Variants in PKNOX2 observed in about 807,000 individuals in gnomAD.
The protein encoded by PKNOX2 is PBX/knotted 1 homeobox 2.
A neutral mutation model predicts 53.1 loss-of-function variants in PKNOX2; 14 were observed. That is an observed-to-expected ratio of 0.26 (90% CI 0.17 to 0.41). The LOEUF (loss-of-function observed/expected upper bound fraction) is 0.41, where lower values mean the gene tolerates loss of function less well. Ranked by LOEUF, PKNOX2 falls within the 10% of genes least tolerant of loss-of-function variation. The pLI, the probability that PKNOX2 is intolerant of heterozygous loss-of-function variation, is 1.00. For synonymous variants in PKNOX2, 257 were observed against 242.8 expected (o/e 1.06, Z -0.54); for missense variants, 496 against 602.8 (o/e 0.82, Z 1.85).
At chr11:125,311,575 A>G (rs1332756382) in intron 2 of PKNOX2, among the ~76,000 whole-genome samples, 1 of 152,162 alleles carries the variant, frequency 6.6e-6, no homozygotes, top group Non-Finnish European at 1.5e-5. Flanking sequence ...GTGACATTTT[A>G]AGCAGTTGTG....
At chr11:125,266,648 TC>T (rs1203218431) in intron 2 of PKNOX2, 2 of 152,234 alleles carry the variant, frequency 1.3e-5, no homozygotes, top group African/African-American at 4.8e-5. Flanking sequence ...ACCTCCTCGT[TC>T]CTGGCCACGC....
intron 5 of PKNOX2, 48 bp downstream of exon 5, chr11:125,368,033 C>G (rs770051970): frequency 3.2e-5 from 50 of 1,583,496 alleles, no homozygotes; most frequent in Non-Finnish European, 5.1e-6. Context: ...AGCTTCAGGC[C>G]CAGCTCAGCT....
rs1463088741 is a variant in PKNOX2, at chr11:125,189,396, T to C, written c.-201+24620T>C. Among the ~76,000 whole-genome samples the C allele has an allele frequency of 2.5e-5, 3 of 122,446 alleles. No individual in the cohort carries two copies. The South Asian group carries it at 9.1e-4, about 37-fold the overall frequency. 80.3% of individuals were successfully genotyped at this position (122,446 alleles called of 152,430 possible). On this transcript the variant is annotated intron_variant, in intron 1 of 12. Transcript: ENST00000298282. ...ATATATATATATGTGTGTATATATA[T>C]ATGTGTGTATATATATATGTGTGTG...
chr11:125,227,474 T>G (rs1941806393), intron 1 of PKNOX2, among the ~76,000 whole-genome samples: 1 of 152,214 alleles, frequency 6.6e-6, no homozygotes, highest in South Asian at 2.1e-4. Flanking sequence ...AACCATACAG[T>G]ATTTGTCTTT....
At chr11:125,351,176 A>C in intron 3 of PKNOX2, 108 bp from the exon 4 acceptor site, 1 of 714,044 alleles carries the variant, frequency 1.4e-6, no homozygotes, top group East Asian at 2.7e-5. Flanking sequence ...CCCTTGCCGC[A>C]TCCAGCCGGC....
At chr11:125,185,954 T>C (rs1017313853) in intron 1 of PKNOX2, among the ~76,000 whole-genome samples, 7 of 152,202 alleles carry the variant, frequency 4.6e-5, no homozygotes, top group African/African-American at 1.7e-4. Flanking sequence ...ACCACCAAAC[T>C]GTTTTCCACA....
chr11:125,297,642 C>A (rs1947744247), intron 2 of PKNOX2, among the ~76,000 whole-genome samples: 1 of 152,158 alleles, frequency 6.6e-6, no homozygotes, highest in Non-Finnish European at 1.5e-5. Flanking sequence ...GTGTATGGGT[C>A]CTCCACCTTC....
At chr11:125,322,041 TGGGGATCA>T (rs1949541589) in intron 2 of PKNOX2, among the ~76,000 whole-genome samples, 1 of 152,060 alleles carries the variant, frequency 6.6e-6, no homozygotes, top group African/African-American at 2.4e-5. Flanking sequence ...AGCACCACAG[TGGGGATCA>T]GGTTTCCATG....
At chr11:125,293,969 A>T (rs1164704608) in intron 2 of PKNOX2, among the ~76,000 whole-genome samples, 1 of 152,254 alleles carries the variant, frequency 6.6e-6, no homozygotes, top group African/African-American at 2.4e-5. Flanking sequence ...GAGGAAAAAA[A>T]AATCCAGAAT....
chr11:125,260,999 C>A (rs1041549726), intron 2 of PKNOX2, among the ~76,000 whole-genome samples: 3 of 152,128 alleles, frequency 2.0e-5, no homozygotes, highest in Non-Finnish European at 4.4e-5. Flanking sequence ...CCTTTTTCCC[C>A]ATCTATAAAA....
At chr11:125,268,506 T>G (rs962886778) in intron 2 of PKNOX2, among the ~76,000 whole-genome samples, 2 of 152,218 alleles carry the variant, frequency 1.3e-5, no homozygotes, top group Non-Finnish European at 2.9e-5. Flanking sequence ...AGCAGTTTGC[T>G]CACCTGCTTA....
At chr11:125,402,658 C>T (rs1364465128) in intron 7 of PKNOX2, among the ~76,000 whole-genome samples, 1 of 152,106 alleles carries the variant, frequency 6.6e-6, no homozygotes, top group Non-Finnish European at 1.5e-5. Context: ...ATCATGTCAG[C>T]CGTGAAATGC....
intron 2 of PKNOX2, among the ~76,000 whole-genome samples, chr11:125,314,002 C>A (rs930731926): frequency 6.6e-6 from 1 of 152,138 alleles, no homozygotes; most frequent in African/African-American, 2.4e-5. Context: ...CACAAGTGAC[C>A]CCCAGTAAGC....
At chr11:125,195,319 T>G (rs1254117568) in intron 1 of PKNOX2, among the ~76,000 whole-genome samples, 1 of 152,206 alleles carries the variant, frequency 6.6e-6, no homozygotes, top group African/African-American at 2.4e-5. Context: ...GCTTACTCGT[T>G]CAAGACACGT....
intron 6 of PKNOX2, among the ~76,000 whole-genome samples, chr11:125,393,955 G>A (rs1037700579): frequency 6.6e-6 from 1 of 151,806 alleles, no homozygotes; most frequent in Non-Finnish European, 1.5e-5. Flanking sequence ...GCTTCATATC[G>A]CTCACCAGTT....
intron 1 of PKNOX2, among the ~76,000 whole-genome samples, chr11:125,198,830 T>C (rs58701235): frequency 0.08 from 10,955 of 136,094 alleles, 898 homozygotes; most frequent in East Asian, 0.26. Context: ...TTCCTTCTTC[T>C]TCTTCTTCTT....
intron 2 of PKNOX2, among the ~76,000 whole-genome samples, chr11:125,264,622 C>G (rs915611543): frequency 1.3e-5 from 2 of 152,078 alleles, no homozygotes; most frequent in African/African-American, 4.8e-5. Flanking sequence ...ATCTTCTACT[C>G]TGTGAAATTA....
At chr11:125,348,546 C>T (rs959823876) in intron 3 of PKNOX2, among the ~76,000 whole-genome samples, 4 of 152,232 alleles carry the variant, frequency 2.6e-5, no homozygotes, top group Admixed American at 6.5e-5. Context: ...CCCTGCTCCG[C>T]AGCCTGGTGG....
chr11:125,305,636 C>G (rs1186018342), intron 2 of PKNOX2, among the ~76,000 whole-genome samples: 1 of 152,148 alleles, frequency 6.6e-6, no homozygotes, highest in Non-Finnish European at 1.5e-5. Context: ...TGGCTGTAAA[C>G]AGGTGTCAGG....
Sources: gnomAD v4.1 joint callset for allele counts (sites outside exome capture counted in the v4.1 genomes callset) on GRCh38, gnomAD v4.1.1 for gene constraint, MANE v1.5 for transcripts, NCBI Gene and HGNC (gene_info 2026-07-23, HGNC 2026-07-21) for gene names.